Variants in XYLB observed in about 807,000 individuals in gnomAD.
The protein encoded by XYLB is xylulokinase.
In XYLB, 62 loss-of-function variants were observed where a neutral mutation model predicts 78.7. That is an observed-to-expected ratio of 0.79 (90% CI 0.64 to 0.97). The LOEUF (loss-of-function observed/expected upper bound fraction) is 0.97, where lower values mean the gene tolerates loss of function less well. Among genes scored for constraint, XYLB ranks in the 50% least tolerant of loss-of-function variants. The probability of loss-of-function intolerance (pLI) is 0.00; values close to 1 mark genes in which losing one functional copy is unlikely to be tolerated. For synonymous variants in XYLB, 245 were observed against 247.4 expected (o/e 0.99, Z 0.09); for missense variants, 687 against 676.8 (o/e 1.02, Z -0.17).
At chr3:38,441,593 C>T in the XYLB span, among the ~76,000 whole-genome samples, 46 of 152,178 alleles carry the variant, frequency 3.0e-4, no homozygotes, top group African/African-American at 1.1e-3. Flanking sequence ...TTTGAAGCAC[C>T]AGTCCCTCAA....
At chr3:38,424,463 C>G (rs150272862), downstream of XYLB, among the ~76,000 whole-genome samples, 44 of 152,150 alleles carry the variant, frequency 2.9e-4, no homozygotes, top group Non-Finnish European at 4.3e-4. Context: ...AATCACTTTC[C>G]AAAGACAAAA....
intron 1 of XYLB, 79 bp downstream of exon 1, chr3:38,347,004 G>T: frequency 7.7e-6 from 10 of 1,300,406 alleles, no homozygotes; most frequent in Non-Finnish European, 9.9e-6. Context: ...TCACCCGGAC[G>T]CGGGAAAACA....
At chr3:38,400,770 C>T (rs989891047) in intron 17 of XYLB, 121 bp from the exon 18 acceptor site, 1 of 711,518 alleles carries the variant, frequency 1.4e-6, no homozygotes, top group Non-Finnish European at 2.4e-6. Context: ...CTGAATTGTG[C>T]AACCATCACT....
At chr3:38,412,343 C>T (rs1184246449) in intron 18 of XYLB, among the ~76,000 whole-genome samples, 1 of 152,080 alleles carries the variant, frequency 6.6e-6, no homozygotes, top group Non-Finnish European at 1.5e-5. Flanking sequence ...GCAAAGAGAC[C>T]CTCTCCTGGA....
intron 18 of XYLB, among the ~76,000 whole-genome samples, chr3:38,408,819 T>A (rs548416895): frequency 6.6e-6 from 1 of 152,064 alleles, no homozygotes; most frequent in South Asian, 2.1e-4. Flanking sequence ...ACATACACCC[T>A]CCCAAGACTA....
At chr3:38,415,477 C>T (rs1223399134), downstream of XYLB, among the ~76,000 whole-genome samples, 2 of 152,296 alleles carry the variant, frequency 1.3e-5, no homozygotes, top group African/African-American at 2.4e-5. Context: ...AGTCCCTTCT[C>T]ACACTGGTAT....
intron 14 of XYLB, 129 bp from the exon 15 acceptor site, chr3:38,379,117 G>C: frequency 1.2e-6 from 1 of 862,658 alleles, no homozygotes; most frequent in South Asian, 1.5e-5. Flanking sequence ...AAAGATAGTG[G>C]TTAAAGAGCC....
At chr3:38,352,799 A>G (rs909189222) in intron 2 of XYLB, among the ~76,000 whole-genome samples, 1 of 151,836 alleles carries the variant, frequency 6.6e-6, no homozygotes, top group African/African-American at 2.4e-5. Context: ...ACAGAGCCAT[A>G]CCTTGTCTAA....
At chr3:38,445,057 T>C in the XYLB span, among the ~76,000 whole-genome samples, 9 of 152,154 alleles carry the variant, frequency 5.9e-5, no homozygotes, top group East Asian at 1.7e-3. Context: ...GAAAACCTAT[T>C]AGAGTCCTAA....
Position 38,372,685 on chromosome 3 carries a change from T to C in XYLB, c.796T>C (p.Tyr266His). ...GAISSYYVQR[Y>H]GFPPGCKVVA... ...CATTTCTTCCTACTACGTCCAGCGC[T>C]ACGGATTTCCTCCAGGATGCAAAGT... The change falls in exon 10 of 19, where the codon TAC (tyrosine) becomes CAC (histidine). Residue 266 changes from tyrosine to histidine, a missense_variant. Physicochemically the swap from Tyr to His is moderately conservative, Grantham distance 83 (BLOSUM62 2). Coordinates refer to ENST00000207870, the MANE Select transcript of XYLB (RefSeq NM_005108.4). 1 of 1,614,176 alleles carries C rather than the reference T, an allele frequency of 6.2e-7. No homozygotes were observed. The highest frequency in any genetic ancestry group is 8.5e-7 in the Non-Finnish European group (1 of 1,180,034).
rs201031130 is a variant in XYLB, at chr3:38,365,634, G to A, written c.405G>A (p.Pro135=). The A allele has an allele frequency of 6.9e-5, 111 of 1,613,732 alleles. No homozygotes were observed. Among genetic ancestry groups the A allele is most frequent in the Non-Finnish European group, 8.7e-5 (103 of 1,179,740 alleles). The change falls in exon 6 of 19, where the codon CCG becomes CCA. Residue 135 remains proline (P), a synonymous_variant. Coordinates refer to ENST00000207870, the MANE Select transcript of XYLB (RefSeq NM_005108.4). The part of the protein sequence containing the change: ...LQDCFSISDC[P]VWMDSSTTAQ... ...ACTGTTTCTCCATCAGCGACTGCCCGGTGTGGATGGACTCCAGCACCACAG... is the reference window on the plus strand; with the variant it reads ...ACTGTTTCTCCATCAGCGACTGCCCAGTGTGGATGGACTCCAGCACCACAG...
chr3:38,356,586 A>T (rs1347815711), intron 2 of XYLB: 3 of 152,154 alleles, frequency 2.0e-5, no homozygotes, highest in Non-Finnish European at 4.4e-5. Flanking sequence ...CTTTTTAAAA[A>T]ATTTTCATAG....
chr3:38,385,807 G>C (rs898833256), intron 15 of XYLB, among the ~76,000 whole-genome samples: 1 of 152,168 alleles, frequency 6.6e-6, no homozygotes, highest in Non-Finnish European at 1.5e-5. Context: ...GAGTGGGAGA[G>C]ATGTTTGGAT....
intron 1 of XYLB, among the ~76,000 whole-genome samples, chr3:38,347,497 G>C (rs1705133352): frequency 6.6e-6 from 1 of 152,158 alleles, no homozygotes; most frequent in South Asian, 2.1e-4. Flanking sequence ...GGGCAATATG[G>C]AGAAACCCCG....
chr3:38,366,730 C>A lies in XYLB; in HGVS notation c.508-78C>A, dbSNP rs1035824190. On this transcript the variant is annotated intron_variant, in intron 6 of 18. Coordinates refer to ENST00000207870, the MANE Select transcript of XYLB (RefSeq NM_005108.4). Reference sequence around the variant, plus strand: ...ACCTACTCCTATCCAGAGCATGCTACATTAAACTCACTTTGTGGAGGTAAT... The same window carrying A: ...ACCTACTCCTATCCAGAGCATGCTAAATTAAACTCACTTTGTGGAGGTAAT... 21 of 1,017,512 alleles carry A rather than the reference C, an allele frequency of 2.1e-5. No homozygotes were observed. The African/African-American group carries it at 3.0e-4, about 15-fold the overall frequency. 63.0% of individuals were successfully genotyped at this position (1,017,512 alleles called of 1,614,324 possible). A position where few individuals can be genotyped will look rare whatever the true frequency, so the allele number is the denominator to read the frequency against.
At chr3:38,448,819 C>T in the XYLB span, among the ~76,000 whole-genome samples, 1 of 152,174 alleles carries the variant, frequency 6.6e-6, no homozygotes, top group African/African-American at 2.4e-5. Context: ...ACTGAATGTT[C>T]TGAGTTTTCC....
chr3:38,413,044 G>A lies in XYLB; in HGVS notation c.*31G>A. On this transcript the variant is annotated 3_prime_UTR_variant, in exon 19 of 19. Coordinates refer to ENST00000207870, the MANE Select transcript of XYLB (RefSeq NM_005108.4). ...CATCCCTGTTGCCCCTGCCTGCCCA[G>A]ATTTACTGACCCCATTTGTCGACAT... The A allele has an allele frequency of 6.4e-7, 1 of 1,567,382 alleles. No homozygotes were observed. Among genetic ancestry groups the A allele is most frequent in the Non-Finnish European group, 8.6e-7 (1 of 1,162,844 alleles).
intron 2 of XYLB, among the ~76,000 whole-genome samples, chr3:38,351,067 G>T (rs1452081888): frequency 6.6e-6 from 1 of 151,064 alleles, no homozygotes; most frequent in Non-Finnish European, 1.5e-5. Flanking sequence ...AGCTAGCTGG[G>T]AGGCTGAGGC....
At chr3:38,395,970 C>G (rs550019864) in intron 16 of XYLB, among the ~76,000 whole-genome samples, 18 of 152,348 alleles carry the variant, frequency 1.2e-4, no homozygotes, top group Admixed American at 1.0e-3. Flanking sequence ...TCCTTCTGGT[C>G]CTTCATTATG....
Sources: gnomAD v4.1 joint callset for allele counts (sites outside exome capture counted in the v4.1 genomes callset) on GRCh38, gnomAD v4.1.1 for gene constraint, MANE v1.5 for transcripts, NCBI Gene and HGNC (gene_info 2026-07-23, HGNC 2026-07-21) for gene names.